The following P2RX1 variants were observed in gnomAD, a reference collection of about 807,000 sequenced individuals.
P2RX1 encodes the protein purinergic receptor P2X 1.
In P2RX1, 42 loss-of-function variants were observed where a neutral mutation model predicts 50.3. The observed-to-expected ratio is 0.83, with a 90% confidence interval of 0.65 to 1.08. P2RX1 has a LOEUF of 1.08. Ranked by LOEUF, P2RX1 falls within the 50% of genes least tolerant of loss-of-function variation. P2RX1 has a pLI of 0.00. For missense variants in P2RX1, 449 were observed against 529.0 expected, an observed-to-expected ratio of 0.85 and a Z score of 1.48; for synonymous variants, 199 against 202.6, an observed-to-expected ratio of 0.98 and a Z score of 0.15.
At chr17:3,910,757 C>T (rs905036944) in intron 1 of P2RX1, among the ~76,000 whole-genome samples, 3 of 152,202 alleles carry the variant, frequency 2.0e-5, no homozygotes, top group African/African-American at 7.2e-5. Context: ...GAACTGGGGC[C>T]CACCCTGAGG....
At chr17:3,913,108 G>C (rs1048405367) in intron 1 of P2RX1, among the ~76,000 whole-genome samples, 6 of 151,838 alleles carry the variant, frequency 4.0e-5, no homozygotes, top group South Asian at 2.1e-4. Context: ...TCAGCTCTTC[G>C]GGGAGAGCTC....
intron 1 of P2RX1, among the ~76,000 whole-genome samples, chr17:3,911,231 G>A (rs1597527945): frequency 6.6e-6 from 1 of 151,568 alleles, no homozygotes; most frequent in East Asian, 1.9e-4. Flanking sequence ...GAAGTGATCC[G>A]CTCACTTTGG....
intron 10 of P2RX1, 50 bp downstream of exon 10, chr17:3,898,434 A>T: frequency 7.0e-7 from 1 of 1,427,334 alleles, no homozygotes; most frequent in Non-Finnish European, 9.9e-7. Flanking sequence ...TGAATTGTGG[A>T]AGAGGAGGGG....
chr17:3,913,019 A>G (rs2056390695), intron 1 of P2RX1, among the ~76,000 whole-genome samples: 1 of 151,998 alleles, frequency 6.6e-6, no homozygotes, highest in African/African-American at 2.4e-5. Context: ...GGCTGGTTCC[A>G]TCAGTGTGTC....
At chr17:3,910,540 T>C (rs1180153155) in intron 1 of P2RX1, among the ~76,000 whole-genome samples, 1 of 152,200 alleles carries the variant, frequency 6.6e-6, no homozygotes, top group Non-Finnish European at 1.5e-5. Context: ...GGGCTGGTTT[T>C]GGGAAGGCTG....
intron 10 of P2RX1, 57 bp from the exon 11 acceptor site, chr17:3,898,167 C>T: frequency 1.4e-6 from 2 of 1,398,362 alleles, no homozygotes. Context: ...GGTACGGAGC[C>T]CTCCACATCC....
intron 10 of P2RX1, 89 bp from the exon 11 acceptor site, chr17:3,898,199 G>T: frequency 8.6e-7 from 1 of 1,167,836 alleles, no homozygotes; most frequent in Non-Finnish European, 1.3e-6. Flanking sequence ...CTGGTGGTGA[G>T]GCCCTGGCTG....
chr17:3,909,319 C>T (rs1471795895), intron 1 of P2RX1, among the ~76,000 whole-genome samples: 2 of 151,836 alleles, frequency 1.3e-5, no homozygotes, highest in Non-Finnish European at 2.9e-5. Flanking sequence ...CGGGAGCCAC[C>T]GCGCCCGGCC....
In P2RX1 at chr17:3,903,265, TG is replaced by T; in HGVS notation, c.683del (p.Pro228GlnfsTer105). On this transcript the variant is annotated frameshift_variant, in exon 7 of 12. Coordinates refer to ENST00000225538, the MANE Select transcript of P2RX1 (RefSeq NM_002558.4). LOFTEE classifies it high-confidence loss of function. This position sits in a 1 kb window ranked among gnomAD's most constrained non-coding sequence, Gnocchi z 4.6. ...GCACCACGTAGCCAAGCTGGAAGAC[TG>T]GGCACAGGGGGTGCAGGGTCTTGTG... ...LFHKTLHPLCPVFQLGYVVQE... is the reference protein window; with the variant it reads ...LFHKTLHPLCXVFQLGYVVQE... The T allele has an allele frequency of 1.2e-6, 2 of 1,614,144 alleles. No homozygotes were observed. Among genetic ancestry groups the T allele is most frequent in the South Asian group, 2.2e-5 (2 of 91,086 alleles).
At chr17:3,912,329 G>GT (rs1358192076) in intron 1 of P2RX1, among the ~76,000 whole-genome samples, 3 of 148,268 alleles carry the variant, frequency 2.0e-5, no homozygotes, top group African/African-American at 7.3e-5. Context: ...TTATTTGTTT[G>GT]TTTTTTTATT....
chr17:3,901,257 C>T (rs145857384), intron 7 of P2RX1, among the ~76,000 whole-genome samples: 2,246 of 152,218 alleles, frequency 0.015, 40 homozygotes, highest in African/African-American at 0.044. Flanking sequence ...TTAGTAGAGA[C>T]GGGGTTTCAC....
chr17:3,899,692 T>G lies in P2RX1; in HGVS notation c.817A>C (p.Ile273Leu). 1 of 1,614,024 alleles carries G rather than the reference T, an allele frequency of 6.2e-7. No homozygotes were observed. Among genetic ancestry groups the G allele is most frequent in the African/African-American group, 1.3e-5 (1 of 75,036 alleles). Residue 273 changes from isoleucine to leucine, a missense_variant, in exon 8 of 12, where the codon ATC becomes CTC. Physicochemically the swap from Ile to Leu is conservative, Grantham distance 5 (BLOSUM62 2). Transcript: ENST00000225538. ...TCGTACAGCCCATGGAACTCATAGA[T>G]GGGTCTGCAGTGCCGTACGTGCCAG... ...LDWHVRHCRP[I>L]YEFHGLYEEK...
chr17:3,897,790 CA>C lies in P2RX1; in HGVS notation c.*23del. 6.2e-7 allele frequency: 1 copy of C among 1,609,406 alleles called. No homozygotes were observed. Among genetic ancestry groups the C allele is most frequent in the Non-Finnish European group, 8.5e-7 (1 of 1,177,778 alleles). On this transcript the variant is annotated 3_prime_UTR_variant, in exon 12 of 12. Coordinates refer to ENST00000225538, the MANE Select transcript of P2RX1 (RefSeq NM_002558.4). Reference sequence around the variant, plus strand: ...CCAGGCTGAAGCCTCACGCTGCACCCAGTCAGGAGTTGGGGCCCGAGCATCA... The same window carrying C: ...CCAGGCTGAAGCCTCACGCTGCACCCGTCAGGAGTTGGGGCCCGAGCATCA...
chr17:3,910,354 C>T (rs1914247529), intron 1 of P2RX1, among the ~76,000 whole-genome samples: 1 of 152,208 alleles, frequency 6.6e-6, no homozygotes, highest in Non-Finnish European at 1.5e-5. Context: ...CTTCATCTCC[C>T]TTTAGAACTT....
At chr17:3,902,455 G>C (rs532252028) in intron 7 of P2RX1, among the ~76,000 whole-genome samples, 16 of 151,922 alleles carry the variant, frequency 1.1e-4, no homozygotes, top group African/African-American at 3.1e-4. Context: ...CACGATGCCT[G>C]CCTAATTTTT....
At chr17:3,915,723 T>C in intron 1 of P2RX1, 1 of 479,832 alleles carries the variant, frequency 2.1e-6, no homozygotes, top group Non-Finnish European at 4.1e-6. Context: ...CCTCTGTGTG[T>C]CAGTGGCGGC....
At position 3,916,263 on chromosome 17, in the gene P2RX1, C is replaced by T. The variant is rs202013610; in HGVS notation, c.-38G>A. The T allele has an allele frequency of 9.5e-4, 1,533 of 1,607,086 alleles. 1 individual carries two copies. Among genetic ancestry groups the T allele is most frequent in the Non-Finnish European group, 1.1e-3 (1,308 of 1,176,530 alleles). On this transcript the variant is annotated 5_prime_UTR_variant, in exon 1 of 12. In the 5' UTR this introduces an upstream ATG that the reference lacks. Transcript: ENST00000225538. ...GGGGCTCAGAACTGAGCCCCCTGCA[C>T]GGCCTCTGCTCTCAGGGTGAGCCGG...
At chr17:3,900,894 G>C (rs1220855444) in intron 7 of P2RX1, among the ~76,000 whole-genome samples, 5 of 152,146 alleles carry the variant, frequency 3.3e-5, no homozygotes. Flanking sequence ...GGATTGGGAA[G>C]AAAACATTGG....
At chr17:3,907,290 C>CGTGTGTGT (rs147411964) in intron 1 of P2RX1, among the ~76,000 whole-genome samples, 26,135 of 134,162 alleles carry the variant, frequency 0.19, 2,718 homozygotes, top group South Asian at 0.27. Context: ...TTCAGGGTAA[C>CGTGTGTGT]GTGTGTGTGT....
Sources: allele counts gnomAD v4.1 joint callset (sites outside exome capture counted in the v4.1 genomes callset), GRCh38; gene constraint gnomAD v4.1.1; non-coding constraint Gnocchi (gnomAD v3.1); transcripts MANE v1.5; gene names NCBI Gene and HGNC (gene_info 2026-07-23, HGNC 2026-07-21).